NFATC3: variants seen among roughly 807,000 people sequenced by gnomAD.
The protein encoded by NFATC3 is nuclear factor of activated T cells 3, also known as nuclear factor of activated T-cells, cytoplasmic 3.
NFATC3 carries 46 observed loss-of-function variants against 98.6 expected under a neutral mutation model. That is an observed-to-expected ratio of 0.47 (90% CI 0.37 to 0.60). The LOEUF is 0.60. Among genes scored for constraint, NFATC3 ranks in the 20% least tolerant of loss-of-function variants. NFATC3 has a pLI of 0.00. For missense variants in NFATC3, 1,256 were observed against 1,295.5 expected (o/e 0.97, Z 0.47); for synonymous variants, 512 against 472.2 (o/e 1.08, Z -1.09).
At position 68,162,517 on chromosome 16, in the gene NFATC3, G is replaced by A. The variant is rs932551410; in HGVS notation, c.1602-4326G>A. Among the ~76,000 whole-genome samples, 4 of 151,756 alleles carry A rather than the reference G, an allele frequency of 2.6e-5. No individual in the cohort carries two copies. In the South Asian group the frequency reaches 6.2e-4, roughly 24 times the overall value. ...TACTGTTCTCTTAAGGCAATAAGGT[G>A]TGGAAAAATTCATAGATACTCCCTT... On this transcript the variant is annotated intron_variant, in intron 4 of 9. Transcript: ENST00000346183.
At chr16:68,224,758 C>T (rs2041986673) in intron 9 of NFATC3, 1 of 151,674 alleles carries the variant, frequency 6.6e-6, no homozygotes. Flanking sequence ...ACTGTGTAAA[C>T]CAGAAAAAGA....
At chr16:68,166,568 C>T (rs1017490647) in intron 4 of NFATC3, among the ~76,000 whole-genome samples, 3 of 152,154 alleles carry the variant, frequency 2.0e-5, no homozygotes, top group East Asian at 1.9e-4. Context: ...AGATACTCTA[C>T]GTCTTAATGG....
chr16:68,091,073 A>G (rs2034682142), intron 1 of NFATC3, among the ~76,000 whole-genome samples: 1 of 152,198 alleles, frequency 6.6e-6, no homozygotes, highest in Non-Finnish European at 1.5e-5. Flanking sequence ...TGTTTTTGTT[A>G]AAAACATTCA....
chr16:68,120,151 T>C (rs1456276753), intron 1 of NFATC3, among the ~76,000 whole-genome samples: 2 of 149,486 alleles, frequency 1.3e-5, no homozygotes, highest in African/African-American at 4.9e-5. Flanking sequence ...AGTGGTGGCA[T>C]GCACCTGTGG....
chr16:68,093,855 A>C (rs1598344860), intron 1 of NFATC3, among the ~76,000 whole-genome samples: 1 of 152,316 alleles, frequency 6.6e-6, no homozygotes, highest in South Asian at 2.1e-4. Flanking sequence ...GTTTAAGTAC[A>C]GAAAGACTCA....
At chr16:68,215,429 T>C (rs1397331206) in intron 9 of NFATC3, among the ~76,000 whole-genome samples, 2 of 152,224 alleles carry the variant, frequency 1.3e-5, no homozygotes, top group South Asian at 4.1e-4. Flanking sequence ...CTGAGTCACA[T>C]CACAGCCAAA....
At position 68,190,745 on chromosome 16, in the gene NFATC3, T is replaced by C. The variant is rs763431206; in HGVS notation, c.2099-23T>C. ...ATTTTATGTATTGTATAATAATATT[T>C]GCTTTAATCATTTTCTTTTCAGTTT... On this transcript the variant is annotated intron_variant, in intron 8 of 9. Coordinates refer to ENST00000346183, the MANE Select transcript of NFATC3 (RefSeq NM_173165.3). The C allele has an allele frequency of 1.9e-6, 3 of 1,573,406 alleles. No homozygotes were observed. The African/African-American group carries it at 4.1e-5, about 21-fold the overall frequency.
At chr16:68,094,887 G>A (rs1351158978) in intron 1 of NFATC3, among the ~76,000 whole-genome samples, 4 of 152,160 alleles carry the variant, frequency 2.6e-5, no homozygotes, top group African/African-American at 7.2e-5. Flanking sequence ...TAAGAGTGAC[G>A]AAGGACTTTT....
chr16:68,117,146 G>T (rs1186370580), intron 1 of NFATC3, among the ~76,000 whole-genome samples: 1 of 152,134 alleles, frequency 6.6e-6, no homozygotes, highest in African/African-American at 2.4e-5. Flanking sequence ...TTAAACACAT[G>T]AGCTTTTATG....
chr16:68,188,065 C>T (rs73612228), intron 8 of NFATC3, among the ~76,000 whole-genome samples: 2,104 of 152,266 alleles, frequency 0.014, 48 homozygotes, highest in African/African-American at 0.047. Flanking sequence ...GGGGCTGAGG[C>T]GGCAGGGGTC....
At chr16:68,112,974 T>G (rs921107329) in intron 1 of NFATC3, among the ~76,000 whole-genome samples, 1 of 152,208 alleles carries the variant, frequency 6.6e-6, no homozygotes, top group Non-Finnish European at 1.5e-5. Flanking sequence ...GCCATTCTGG[T>G]TAACAGCTCC....
In NFATC3 at chr16:68,122,070, C is replaced by A; in HGVS notation, c.187C>A (p.Pro63Thr). ...TACTTTAACCACACCACTTTGCTTA[C>A]CACATCATGGATTACCGTCTCACTC... ...PSTLTTPLCL[P>T]HHGLPSHSSV... Residue 63 changes from proline to threonine, a missense_variant, in exon 2 of 10, where the codon CCA (proline) becomes ACA (threonine). Pro to Thr is a conservative substitution (Grantham distance 38, BLOSUM62 -1). Coordinates refer to ENST00000346183, the MANE Select transcript of NFATC3 (RefSeq NM_173165.3). The A allele has an allele frequency of 6.2e-7, 1 of 1,613,898 alleles. No homozygotes were observed. The highest frequency in any genetic ancestry group is 1.1e-5 in the South Asian group (1 of 91,074).
At chr16:68,193,221 G>A (rs2040520100) in intron 9 of NFATC3, among the ~76,000 whole-genome samples, 2 of 152,074 alleles carry the variant, frequency 1.3e-5, no homozygotes, top group African/African-American at 4.8e-5. Flanking sequence ...TGTGCAAATA[G>A]TACACTGTTT....
chr16:68,142,195 C>T (rs1481641305), intron 3 of NFATC3, among the ~76,000 whole-genome samples: 1 of 152,088 alleles, frequency 6.6e-6, no homozygotes, highest in Non-Finnish European at 1.5e-5. Flanking sequence ...GATACTGAGT[C>T]GTCCAGTCTG....
At chr16:68,226,272 A>C in intron 9 of NFATC3, 78 bp from the exon 10 acceptor site, 1 of 1,484,570 alleles carries the variant, frequency 6.7e-7, no homozygotes, top group South Asian at 1.3e-5. Flanking sequence ...GAAATGTCTG[A>C]GGTAGAGCTC....
At chr16:68,185,381 C>T (rs572041725) in intron 8 of NFATC3, among the ~76,000 whole-genome samples, 12 of 152,174 alleles carry the variant, frequency 7.9e-5, no homozygotes, top group East Asian at 5.8e-4. Flanking sequence ...TTCTTCAAGG[C>T]GGGTGGTAAG....
rs2036628451 is a variant in NFATC3 at position 68,122,822 on chromosome 16, T to C, written c.939T>C (p.Ala313=). 1 of 1,614,262 alleles carries C rather than the reference T, an allele frequency of 6.2e-7. No homozygotes were observed. Among genetic ancestry groups the C allele is most frequent in the Admixed American group, 1.7e-5 (1 of 60,036 alleles). Residue 313 remains alanine, a synonymous_variant, in exon 2 of 10, where the codon GCT becomes GCC. Coordinates refer to ENST00000346183, the MANE Select transcript of NFATC3 (RefSeq NM_173165.3). ...TGACAGAAGATACGTGGCTCAATGC[T>C]TCTGTCCATGGTGGGTCAGGCCTTG... ...GSVTEDTWLN[A]SVHGGSGLGP... is the part of the protein sequence containing the mutation.
chr16:68,186,854 G>A (rs1391697036), intron 8 of NFATC3, among the ~76,000 whole-genome samples: 1 of 152,140 alleles, frequency 6.6e-6, no homozygotes, highest in African/African-American at 2.4e-5. Flanking sequence ...TTTGTTTATG[G>A]CGAATAACTC....
chr16:68,122,699 G>A lies in NFATC3; in HGVS notation c.816G>A (p.Gly272=), dbSNP rs62636651. ...CATCAAGGCCCACATCCCCCTGTGG[G>A]AAACGGAGGCACTCCAGTGCTGAAG... The part of the protein sequence containing the change: ...GPSSRPTSPC[G]KRRHSSAEVC... Residue 272 remains glycine (G), a synonymous_variant, in exon 2 of 10, where the codon GGG becomes GGA. Transcript: ENST00000346183. The A allele has an allele frequency of 6.5e-3, 10,484 of 1,614,192 alleles. 39 individuals carry two copies. Among genetic ancestry groups the A allele is most frequent in the Non-Finnish European group, 7.9e-3 (9,268 of 1,180,040 alleles).
Sources: allele counts gnomAD v4.1 joint callset (sites outside exome capture counted in the v4.1 genomes callset), GRCh38; gene constraint gnomAD v4.1.1; transcripts MANE v1.5; gene names NCBI Gene and HGNC (gene_info 2026-07-23, HGNC 2026-07-21).